RALYL: variants seen among roughly 807,000 people sequenced by gnomAD.
RALYL encodes the protein RNA-binding Raly-like protein.
In RALYL, 29 loss-of-function variants were observed where a neutral mutation model predicts 35.1. The ratio of observed to expected loss-of-function variants is 0.83; its 90% CI spans 0.61 to 1.13. RALYL has a LOEUF of 1.13. Among genes scored for constraint, RALYL ranks in the 50% most tolerant of loss-of-function variants. The pLI is 0.00. For synonymous variants in RALYL, 120 were observed against 127.6 expected, an observed-to-expected ratio of 0.94 and a Z score of 0.40; for missense variants, 359 against 360.4, an observed-to-expected ratio of 1.00 and a Z score of 0.03.
At chr8:84,500,067 A>G (rs1254413971) in intron 1 of RALYL, among the ~76,000 whole-genome samples, 1 of 152,154 alleles carries the variant, frequency 6.6e-6, no homozygotes, top group Admixed American at 6.6e-5. Flanking sequence ...TGATTTTTAA[A>G]TAATTTATTT....
At chr8:84,660,219 T>C (rs1403840750) in intron 2 of RALYL, among the ~76,000 whole-genome samples, 4 of 152,136 alleles carry the variant, frequency 2.6e-5, no homozygotes, top group African/African-American at 9.6e-5. Context: ...AAGTTGAGAA[T>C]TGAGAGTTAT....
intron 2 of RALYL, among the ~76,000 whole-genome samples, chr8:84,773,110 G>A (rs535824193): frequency 2.6e-5 from 4 of 152,134 alleles, no homozygotes; most frequent in African/African-American, 4.8e-5. Flanking sequence ...ACCTGTGCCC[G>A]CTGAACCACA....
chr8:84,515,699 T>C lies in RALYL; in HGVS notation c.-23-13600T>C, dbSNP rs1048853248. On this transcript the variant is annotated intron_variant, in intron 1 of 8. Coordinates refer to ENST00000521268, the MANE Select transcript of RALYL (RefSeq NM_173848.7). ...GTGATTACCATCTTTGCATGTATAG[T>C]ACAAAAAAAATTATTAATATACTCT... Among the ~76,000 whole-genome samples the C allele has an allele frequency of 2.6e-5, 4 of 151,986 alleles. 1 individual carries two copies. Among genetic ancestry groups the C allele is most frequent in the South Asian group, 4.1e-4 (2 of 4,826 alleles).
intron 1 of RALYL, among the ~76,000 whole-genome samples, chr8:84,271,859 G>A (rs947236989): frequency 6.6e-6 from 1 of 152,038 alleles, no homozygotes; most frequent in Non-Finnish European, 1.5e-5. Flanking sequence ...TGGGCATAAT[G>A]CAATTTGGGG....
intron 4 of RALYL, among the ~76,000 whole-genome samples, chr8:84,830,036 A>G (rs1029675991): frequency 2.0e-5 from 3 of 149,078 alleles, no homozygotes; most frequent in African/African-American, 7.4e-5. Context: ...GGGGCATTTT[A>G]AGCTGCAAAA....
chr8:84,881,716 G>A (rs903414683), intron 7 of RALYL, among the ~76,000 whole-genome samples: 1 of 151,864 alleles, frequency 6.6e-6, no homozygotes, highest in Admixed American at 6.6e-5. Flanking sequence ...CCCTTAAACA[G>A]AAATACTTAC....
chr8:84,377,516 A>G (rs371913826), intron 1 of RALYL, among the ~76,000 whole-genome samples: 3 of 128,836 alleles, frequency 2.3e-5, no homozygotes, highest in East Asian at 4.5e-4. Context: ...TTTAGATGAT[A>G]CCACTTTCAT....
chr8:84,680,123 A>C (rs1206024777), intron 2 of RALYL, among the ~76,000 whole-genome samples: 1 of 151,944 alleles, frequency 6.6e-6, no homozygotes, highest in Non-Finnish European at 1.5e-5. Flanking sequence ...TCCTTGCGAT[A>C]GTTTGCTGAG....
chr8:84,305,573 T>A (rs970034078), intron 1 of RALYL, among the ~76,000 whole-genome samples: 2 of 152,212 alleles, frequency 1.3e-5, no homozygotes, highest in Non-Finnish European at 2.9e-5. Context: ...CTTTCTTCAA[T>A]TGCTGTTTTT....
chr8:84,773,192 C>T (rs905945496), intron 2 of RALYL, among the ~76,000 whole-genome samples: 1 of 152,130 alleles, frequency 6.6e-6, no homozygotes, highest in Non-Finnish European at 1.5e-5. Flanking sequence ...GTGCAGTGTT[C>T]TTTTTCCATT....
intron 1 of RALYL, among the ~76,000 whole-genome samples, chr8:84,433,705 C>A (rs2047385300): frequency 6.6e-6 from 1 of 151,948 alleles, no homozygotes; most frequent in East Asian, 1.9e-4. Context: ...GAGGCCTCCC[C>A]AGCCATGTGG....
At chr8:84,801,497 G>A (rs943666197) in intron 3 of RALYL, among the ~76,000 whole-genome samples, 1 of 152,128 alleles carries the variant, frequency 6.6e-6, no homozygotes, top group Admixed American at 6.5e-5. Flanking sequence ...CAGAGGATAT[G>A]TCATAGTGAT....
At chr8:84,394,488 A>C (rs1393533858) in intron 1 of RALYL, among the ~76,000 whole-genome samples, 3 of 152,052 alleles carry the variant, frequency 2.0e-5, no homozygotes, top group Non-Finnish European at 4.4e-5. Flanking sequence ...TTGGTGCCTC[A>C]TGGTTCTTTT....
intron 1 of RALYL, among the ~76,000 whole-genome samples, chr8:84,438,015 T>G (rs1216697788): frequency 6.6e-6 from 1 of 152,306 alleles, no homozygotes; most frequent in East Asian, 1.9e-4. Context: ...ATTAGTGATG[T>G]TGAACAATTT....
At chr8:84,367,330 T>TAA (rs1854620065) in intron 1 of RALYL, among the ~76,000 whole-genome samples, 1 of 24,982 alleles carries the variant, frequency 4.0e-5, no homozygotes, top group African/African-American at 3.5e-4. Flanking sequence ...TTTTTTTTTT[T>TAA]TTTTTTTTTT....
chr8:84,920,302 A>G (rs1849120832), intron 8 of RALYL, among the ~76,000 whole-genome samples: 2 of 152,148 alleles, frequency 1.3e-5, no homozygotes, highest in Admixed American at 1.3e-4. Context: ...TTTTGTCTTC[A>G]TATTCAATTT....
intron 8 of RALYL, among the ~76,000 whole-genome samples, chr8:84,895,490 G>T (rs562328498): frequency 2.0e-5 from 3 of 151,902 alleles, no homozygotes; most frequent in Non-Finnish European, 4.4e-5. Context: ...TTATCCTTGT[G>T]TATATTTTCT....
At chr8:84,531,478 C>G (rs1330800341) in intron 2 of RALYL, among the ~76,000 whole-genome samples, 1 of 152,088 alleles carries the variant, frequency 6.6e-6, no homozygotes, top group Non-Finnish European at 1.5e-5. Context: ...TGCTTTCCAA[C>G]AGACATTGGT....
At position 84,289,599 on chromosome 8, in the gene RALYL, C is replaced by A. The variant is rs1838361808; in HGVS notation, c.-24+105175C>A. ...GGATTTCCATTTTGCTATGTGTGTG[C>A]CAACATGAGATTGTTAAAGAAACTC... is the stretch of plus-strand genomic sequence containing the variant. On this transcript the variant is annotated intron_variant, in intron 1 of 8. Coordinates refer to ENST00000521268, the MANE Select transcript of RALYL (RefSeq NM_173848.7). Among the ~76,000 whole-genome samples, 3 of 151,940 alleles carry A rather than the reference C, an allele frequency of 2.0e-5. No homozygotes were observed. The South Asian group carries it at 6.2e-4, about 32-fold the overall frequency.
Sources: gnomAD v4.1 joint callset for allele counts (sites outside exome capture counted in the v4.1 genomes callset) on GRCh38, gnomAD v4.1.1 for gene constraint, MANE v1.5 for transcripts, NCBI Gene and HGNC (gene_info 2026-07-23, HGNC 2026-07-21) for gene names.